Variants in CNTNAP5 observed in about 807,000 individuals in gnomAD.
The protein encoded by CNTNAP5 is contactin associated protein family member 5.
In CNTNAP5, 72 loss-of-function variants were observed where a neutral mutation model predicts 150.2. That is an observed-to-expected ratio of 0.48 (90% CI 0.40 to 0.58). The LOEUF (loss-of-function observed/expected upper bound fraction) is 0.58, where lower values mean the gene tolerates loss of function less well. CNTNAP5 is among the 20% of genes least tolerant of loss of function. The pLI, the probability that CNTNAP5 is intolerant of heterozygous loss-of-function variation, is 0.00. For synonymous variants in CNTNAP5, 672 were observed against 619.8 expected (o/e 1.08, Z -1.25); for missense variants, 1,636 against 1,626.2 (o/e 1.01, Z -0.10).
chr2:124,063,035 T>C (rs968822979), intron 1 of CNTNAP5, among the ~76,000 whole-genome samples: 1 of 152,150 alleles, frequency 6.6e-6, no homozygotes, highest in South Asian at 2.1e-4. Context: ...TGTTTTGTTA[T>C]GTTTTTGTTT....
intron 1 of CNTNAP5, among the ~76,000 whole-genome samples, chr2:124,089,319 ACTC>A (rs1237055557): frequency 1.3e-5 from 2 of 151,628 alleles, no homozygotes; most frequent in Non-Finnish European, 2.9e-5. Context: ...TCGTTGGACT[ACTC>A]TGTACTGGGC....
At chr2:124,588,227 T>G (rs1696599564) in intron 11 of CNTNAP5, among the ~76,000 whole-genome samples, 1 of 146,946 alleles carries the variant, frequency 6.8e-6, no homozygotes, top group South Asian at 2.2e-4. Context: ...TTTCTTTCTT[T>G]CTTTCTTTCT....
chr2:124,577,668 A>C (rs778495546), intron 11 of CNTNAP5, among the ~76,000 whole-genome samples: 1 of 152,140 alleles, frequency 6.6e-6, no homozygotes, highest in Non-Finnish European at 1.5e-5. Flanking sequence ...ACATGGTCAG[A>C]AGCTAAATTG....
chr2:124,812,274 C>T (rs959391341), intron 19 of CNTNAP5, among the ~76,000 whole-genome samples: 2 of 147,920 alleles, frequency 1.4e-5, no homozygotes, highest in African/African-American at 5.0e-5. Context: ...AGAAGCTCCT[C>T]ATTGCCAGAT....
At chr2:124,362,590 A>C (rs1165751257) in intron 3 of CNTNAP5, among the ~76,000 whole-genome samples, 2 of 152,240 alleles carry the variant, frequency 1.3e-5, no homozygotes, top group African/African-American at 2.4e-5. Context: ...ATGTCAGTAC[A>C]TAAAGTTAGA....
At chr2:124,781,103 A>C (rs1370871208) in intron 17 of CNTNAP5, among the ~76,000 whole-genome samples, 1 of 152,132 alleles carries the variant, frequency 6.6e-6, no homozygotes, top group African/African-American at 2.4e-5. Context: ...TTTGTCCTTC[A>C]TCCTTTTTTC....
intron 3 of CNTNAP5, among the ~76,000 whole-genome samples, chr2:124,305,041 G>T (rs917478043): frequency 6.9e-6 from 1 of 145,960 alleles, no homozygotes; most frequent in African/African-American, 2.5e-5. Flanking sequence ...CAAGGCAGGT[G>T]AGTTGCTTGA....
chr2:124,454,831 T>A (rs1322513331), intron 6 of CNTNAP5, among the ~76,000 whole-genome samples: 6 of 152,036 alleles, frequency 3.9e-5, no homozygotes, highest in South Asian at 2.1e-4. Context: ...AATTAAAAAA[T>A]TTTTTGAACT....
intron 5 of CNTNAP5, among the ~76,000 whole-genome samples, chr2:124,439,719 A>G (rs767829098): frequency 1.3e-5 from 2 of 152,124 alleles, no homozygotes; most frequent in Non-Finnish European, 2.9e-5. Flanking sequence ...TTGGATACTT[A>G]GGAGACCATT....
At chr2:124,216,021 C>A (rs867821853) in intron 1 of CNTNAP5, among the ~76,000 whole-genome samples, 23 of 152,226 alleles carry the variant, frequency 1.5e-4, no homozygotes, top group South Asian at 6.2e-4. Context: ...AAGCTCCCCC[C>A]AAACCCTTAT....
intron 13 of CNTNAP5, among the ~76,000 whole-genome samples, chr2:124,729,108 A>G (rs1680217787): frequency 6.6e-6 from 1 of 152,026 alleles, no homozygotes; most frequent in South Asian, 2.1e-4. Context: ...GAAGTCATGT[A>G]ATGTCACATC....
chr2:124,708,646 G>A (rs1679744211), intron 13 of CNTNAP5, among the ~76,000 whole-genome samples: 1 of 152,188 alleles, frequency 6.6e-6, no homozygotes, highest in Non-Finnish European at 1.5e-5. Context: ...TGCTGGAGCT[G>A]CAGTTCTGGA....
chr2:124,540,035 T>A (rs1695342225), intron 10 of CNTNAP5, among the ~76,000 whole-genome samples: 1 of 152,186 alleles, frequency 6.6e-6, no homozygotes, highest in African/African-American at 2.4e-5. Context: ...CACACAGAGC[T>A]AAAACAGAGA....
At chr2:124,452,081 C>T (rs1692995684) in intron 6 of CNTNAP5, among the ~76,000 whole-genome samples, 1 of 152,028 alleles carries the variant, frequency 6.6e-6, no homozygotes, top group African/African-American at 2.4e-5. Context: ...TGTCCAGAAT[C>T]CACAGGTCGG....
At chr2:124,357,989 G>A (rs1352922350) in intron 3 of CNTNAP5, among the ~76,000 whole-genome samples, 5 of 149,816 alleles carry the variant, frequency 3.3e-5, no homozygotes, top group Admixed American at 6.6e-5. Context: ...TCCTTGAGCA[G>A]TGGTTTGTAG....
At chr2:124,056,244 TG>T (rs1681842591) in intron 1 of CNTNAP5, among the ~76,000 whole-genome samples, 1 of 152,188 alleles carries the variant, frequency 6.6e-6, no homozygotes, top group Non-Finnish European at 1.5e-5. Context: ...AGAGAGAAGC[TG>T]GTCGGAAATT....
chr2:124,259,146 T>C (rs992936228), intron 3 of CNTNAP5, among the ~76,000 whole-genome samples: 3 of 152,124 alleles, frequency 2.0e-5, no homozygotes, highest in African/African-American at 7.2e-5. Context: ...CTGAGAATGA[T>C]AGTTTCCAGC....
At chr2:124,895,768 T>C (rs1231908758) in intron 21 of CNTNAP5, among the ~76,000 whole-genome samples, 3 of 151,410 alleles carry the variant, frequency 2.0e-5, no homozygotes, top group Non-Finnish European at 4.4e-5. Context: ...AGTGGAAGAA[T>C]CAGAAGGGAA....
rs1349463878 is a variant in CNTNAP5, at chr2:124,216,759, T to C, written c.83-4946T>C. Among the ~76,000 whole-genome samples the C allele has an allele frequency of 2.0e-5, 3 of 152,328 alleles. No homozygotes were observed. In the East Asian group the frequency reaches 5.8e-4, roughly 29 times the overall value. ...GCTGCATAGTATTCCATGGTGTATA[T>C]GTGCCACATTTTCTTAATCCAGTCT... On this transcript the variant is annotated intron_variant, in intron 1 of 23. Coordinates refer to ENST00000682447, the MANE Select transcript of CNTNAP5 (RefSeq NM_001367498.1).
Sources: gnomAD v4.1 joint callset for allele counts (sites outside exome capture counted in the v4.1 genomes callset) on GRCh38, gnomAD v4.1.1 for gene constraint, MANE v1.5 for transcripts, NCBI Gene and HGNC (gene_info 2026-07-23, HGNC 2026-07-21) for gene names.